ANKRD33B: variants seen among roughly 807,000 people sequenced by gnomAD.
ANKRD33B encodes the protein ankyrin repeat domain-containing protein 33B.
In ANKRD33B, 6 loss-of-function variants were observed where a neutral mutation model predicts 21.5. That is an observed-to-expected ratio of 0.28 (90% confidence interval 0.15 to 0.55). The LOEUF (loss-of-function observed/expected upper bound fraction) is 0.55. Ranked by LOEUF, ANKRD33B falls within the 20% of genes least tolerant of loss-of-function variation. The pLI is 0.94. For synonymous variants in ANKRD33B, 347 were observed against 342.4 expected (o/e 1.01, Z -0.15); for missense variants, 698 against 747.2 (o/e 0.93, Z 0.77).
intron 1 of ANKRD33B, among the ~76,000 whole-genome samples, chr5:10,599,342 G>A (rs545394073): frequency 2.6e-5 from 4 of 151,864 alleles, no homozygotes; most frequent in African/African-American, 9.7e-5. Flanking sequence ...TTTTAAAATT[G>A]TGGTGAAATA....
intron 2 of ANKRD33B, among the ~76,000 whole-genome samples, chr5:10,632,858 G>T (rs1021760548): frequency 3.9e-5 from 6 of 152,168 alleles, no homozygotes; most frequent in African/African-American, 1.2e-4. Flanking sequence ...CATGATCTCT[G>T]CTCACTGCAA....
intron 1 of ANKRD33B, among the ~76,000 whole-genome samples, chr5:10,570,440 T>A (rs1406375717): frequency 6.6e-6 from 1 of 152,226 alleles, no homozygotes; most frequent in Admixed American, 6.5e-5. Context: ...TGTCTCGGCC[T>A]GTTTTCCATG....
Position 10,619,207 on chromosome 5 carries a change from G to T in ANKRD33B, c.496+745G>T. The T allele has an allele frequency of 1.5e-6, 1 of 677,046 alleles. No individual in the cohort carries two copies. The highest frequency in any genetic ancestry group is 1.8e-6 in the Non-Finnish European group (1 of 548,556). The allele number at this position is 677,046 out of a possible 1,614,324, so 41.9% of individuals were successfully genotyped here. Reference sequence around the variant, plus strand: ...ACATTTCTTTGCCTCCAAAGATTCTGTCTGTTTCATCGGTCAAGTTCTCAG... The same window carrying T: ...ACATTTCTTTGCCTCCAAAGATTCTTTCTGTTTCATCGGTCAAGTTCTCAG... On this transcript the variant is annotated intron_variant, in intron 2 of 3. Transcript: ENST00000296657. The surrounding 1 kb of genome is among the most constrained non-coding windows in gnomAD (Gnocchi z 4.5).
chr5:10,626,388 A>G (rs1736545627), intron 2 of ANKRD33B, among the ~76,000 whole-genome samples: 2 of 152,210 alleles, frequency 1.3e-5, no homozygotes, highest in Non-Finnish European at 2.9e-5. Context: ...TGAGTGTCCA[A>G]GAGTGTTCTT....
chr5:10,634,495 T>C (rs146807329), intron 2 of ANKRD33B, among the ~76,000 whole-genome samples: 5 of 148,698 alleles, frequency 3.4e-5, no homozygotes, highest in African/African-American at 7.4e-5. Flanking sequence ...GGTCTCACTC[T>C]GTCGTCCAGG....
intron 1 of ANKRD33B, among the ~76,000 whole-genome samples, chr5:10,614,069 C>T (rs1000300139): frequency 8.0e-5 from 12 of 149,088 alleles, no homozygotes; most frequent in Non-Finnish European, 1.2e-4. Flanking sequence ...GAGGAACTGG[C>T]GTGTGCGATT....
chr5:10,638,184 C>T lies in ANKRD33B; in HGVS notation c.637+16C>T, dbSNP rs1560984242. ...ATGCTAGCAGGTATGTCCACCTGTC[C>T]TGTGCAGCTTCCAGGGGCCCTGGGA... On this transcript the variant is annotated intron_variant, in intron 3 of 3. Coordinates refer to ENST00000296657, the MANE Select transcript of ANKRD33B (RefSeq NM_001164440.2). 6.5e-7 allele frequency: 1 copy of T among 1,536,462 alleles called. No homozygotes were observed. The highest frequency in any genetic ancestry group is 2.0e-5 in the Admixed American group (1 of 50,908).
At chr5:10,579,866 A>G (rs922997080) in intron 1 of ANKRD33B, among the ~76,000 whole-genome samples, 1 of 152,212 alleles carries the variant, frequency 6.6e-6, no homozygotes, top group African/African-American at 2.4e-5. Flanking sequence ...TAACCGTTTA[A>G]TGTCTACCGT....
chr5:10,637,894 G>A lies in ANKRD33B; in HGVS notation c.497-134G>A, dbSNP rs1321161374. On this transcript the variant is annotated intron_variant, in intron 2 of 3. Transcript: ENST00000296657. Reference sequence around the variant, plus strand: ...CCAGGAGAATTCTGTCTTGGGGTCCGAGAAAAACTCACACAGCAGACCGGC... The same window carrying A: ...CCAGGAGAATTCTGTCTTGGGGTCCAAGAAAAACTCACACAGCAGACCGGC... 1.8e-5 allele frequency: 19 copies of A among 1,044,642 alleles called. No homozygotes were observed. The East Asian group carries it at 2.7e-4, about 15-fold the overall frequency. 64.7% of individuals were successfully genotyped at this position (1,044,642 alleles called of 1,614,324 possible).
At chr5:10,615,424 A>G (rs922745757) in intron 1 of ANKRD33B, among the ~76,000 whole-genome samples, 10 of 152,256 alleles carry the variant, frequency 6.6e-5, no homozygotes, top group African/African-American at 2.4e-4. Flanking sequence ...AGAAAGTGAG[A>G]AACAGATCAT....
chr5:10,638,159 A>C lies in ANKRD33B; in HGVS notation c.628A>C (p.Met210Leu), dbSNP rs969176588. 7 of 1,537,374 alleles carry C rather than the reference A, an allele frequency of 4.6e-6. No homozygotes were observed. Among genetic ancestry groups the C allele is most frequent in the Non-Finnish European group, 6.1e-6 (7 of 1,146,906 alleles). ...QGRTDCIRAL[M>L]LAGADVHARD... ...TCGAACGGACTGCATCCGAGCCCTG[A>C]TGCTAGCAGGTATGTCCACCTGTCC... Residue 210 changes from methionine to leucine, a missense_variant, in exon 3 of 4, where the codon ATG (methionine) becomes CTG (leucine). Around this residue, in one of 3 missense-constraint regions of ANKRD33B, gnomAD observed 543 missense variants for 566.5 expected, o/e 0.96. Coordinates refer to ENST00000296657, the MANE Select transcript of ANKRD33B (RefSeq NM_001164440.2).
rs1379208707 is a variant in ANKRD33B, at chr5:10,655,773, G to A, written c.*5660G>A. ...CCTCCACCTCCCACGGTGGGTAACT[G>A]TGTGGATTCTGCACCTGGCAATCGG... On this transcript the variant is annotated 3_prime_UTR_variant, in exon 4 of 4. Coordinates refer to ENST00000296657, the MANE Select transcript of ANKRD33B (RefSeq NM_001164440.2). 1 of 152,312 alleles carries A rather than the reference G, an allele frequency of 6.6e-6. No homozygotes were observed. Among genetic ancestry groups the A allele is most frequent in the Non-Finnish European group, 1.5e-5 (1 of 68,068 alleles). The allele number at this position is 152,312 out of a possible 1,614,324, so 9.4% of individuals were successfully genotyped here.
intron 2 of ANKRD33B, among the ~76,000 whole-genome samples, chr5:10,630,545 C>T (rs1736682975): frequency 6.6e-6 from 1 of 152,180 alleles, no homozygotes; most frequent in African/African-American, 2.4e-5. Context: ...TGAAGGTTCA[C>T]TAAAATCAAC....
At chr5:10,640,841 C>T (rs185615355) in intron 3 of ANKRD33B, among the ~76,000 whole-genome samples, 40 of 152,280 alleles carry the variant, frequency 2.6e-4, no homozygotes, top group African/African-American at 9.1e-4. Flanking sequence ...ATCAAGGTGC[C>T]GGCAGGTTCG....
chr5:10,624,121 CTTTCT>C (rs1736486963), intron 2 of ANKRD33B, among the ~76,000 whole-genome samples: 2 of 147,098 alleles, frequency 1.4e-5, no homozygotes, highest in African/African-American at 2.5e-5. Flanking sequence ...TTCGTTCTTT[CTTTCT>C]TTTCTTTTTT....
At chr5:10,605,621 C>T (rs1321322298) in intron 1 of ANKRD33B, among the ~76,000 whole-genome samples, 1 of 152,102 alleles carries the variant, frequency 6.6e-6, no homozygotes, top group Admixed American at 6.5e-5. Context: ...CTCCGCCTCC[C>T]GGGTTCAAGT....
intron 2 of ANKRD33B, chr5:10,627,846 G>A (rs1736612114): frequency 1.3e-5 from 2 of 152,278 alleles, no homozygotes; most frequent in South Asian, 4.2e-4. Context: ...ATTGGCCATG[G>A]CAGCGCCACA....
chr5:10,604,729 C>A (rs1187986471), intron 1 of ANKRD33B, among the ~76,000 whole-genome samples: 2 of 151,900 alleles, frequency 1.3e-5, no homozygotes, highest in African/African-American at 4.8e-5. Context: ...ATATATTCAA[C>A]TTTAATGAAT....
intron 1 of ANKRD33B, among the ~76,000 whole-genome samples, chr5:10,586,226 C>T (rs778998564): frequency 2.7e-4 from 41 of 152,034 alleles, no homozygotes; most frequent in Admixed American, 2.4e-3. Flanking sequence ...TCCCACAATC[C>T]GCTTTGTGGA....
Sources: allele counts gnomAD v4.1 joint callset (sites outside exome capture counted in the v4.1 genomes callset), GRCh38; gene constraint gnomAD v4.1.1; regional missense constraint gnomAD v4.1.1; non-coding constraint Gnocchi (gnomAD v3.1); transcripts MANE v1.5; gene names NCBI Gene and HGNC (gene_info 2026-07-23, HGNC 2026-07-21).